RNF169: variants seen among roughly 807,000 people sequenced by gnomAD.
The protein encoded by RNF169 is E3 ubiquitin-protein ligase RNF169.
Under a neutral mutation model 53.9 loss-of-function variants are expected in RNF169, and 24 were observed. The ratio of observed to expected loss-of-function variants is 0.45; its 90% CI spans 0.32 to 0.63. The LOEUF is 0.63. Among genes scored for constraint, RNF169 ranks in the 20% least tolerant of loss-of-function variants. The pLI, the probability that RNF169 is intolerant of heterozygous loss-of-function variation, is 0.04. For synonymous variants in RNF169, 396 were observed against 363.5 expected, an observed-to-expected ratio of 1.09 and a Z score of -1.02; for missense variants, 883 against 906.2, an observed-to-expected ratio of 0.97 and a Z score of 0.33.
At position 74,835,853 on chromosome 11, in the gene RNF169, G is replaced by T; in HGVS notation, c.1250G>T (p.Ser417Ile). ...TCAACTCCACGCAACCTAAACAGAA[G>T]CCTGCAGAAGCAGACTTCTTATGAG... is the stretch of plus-strand genomic sequence containing the variant. ...IKSTPRNLNR[S>I]LQKQTSYEAS... Residue 417 changes from serine to isoleucine, a missense_variant, in exon 6 of 6, where the codon AGC becomes ATC. This residue lies in a region of RNF169 where 219 missense variants were observed against 289.1 expected (regional missense o/e 0.76). Transcript: ENST00000299563. 1.2e-6 allele frequency: 2 copies of T among 1,614,132 alleles called. No individual in the cohort carries two copies. Among genetic ancestry groups the T allele is most frequent in the African/African-American group, 2.7e-5 (2 of 75,014 alleles).
intron 4 of RNF169, among the ~76,000 whole-genome samples, chr11:74,829,877 A>G (rs2036153376): frequency 6.6e-6 from 1 of 152,144 alleles, no homozygotes; most frequent in South Asian, 2.1e-4. Flanking sequence ...GAGGAGGGAG[A>G]CCATCAGGAA....
chr11:74,753,010 C>T (rs1352035906), intron 1 of RNF169, among the ~76,000 whole-genome samples: 1 of 151,916 alleles, frequency 6.6e-6, no homozygotes, highest in East Asian at 1.9e-4. Context: ...GCTCTGTTGC[C>T]CAGGCTGGAG....
Position 74,821,518 on chromosome 11 carries a change from C to T in RNF169, c.842+3804C>T, listed in dbSNP as rs1043126155. Among the ~76,000 whole-genome samples the T allele has an allele frequency of 5.2e-5, 6 of 116,406 alleles. 2 individuals are homozygous for T. The highest frequency in any genetic ancestry group is 4.8e-4 in the Admixed American group (6 of 12,464). The allele number at this position is 116,406 out of a possible 152,430, so 76.4% of individuals were successfully genotyped here. A position where few individuals can be genotyped will look rare whatever the true frequency, so the allele number is the denominator to read the frequency against. On this transcript the variant is annotated intron_variant, in intron 4 of 5. Coordinates refer to ENST00000299563, the MANE Select transcript of RNF169 (RefSeq NM_001098638.2). ...CTAAAAATACAAAAAATTAGCCGGG[C>T]GTAGTGGCGGGCGCCTGTAGTCCCA... is the stretch of plus-strand genomic sequence containing the variant.
chr11:74,815,072 A>G (rs17133490), intron 3 of RNF169, among the ~76,000 whole-genome samples: 6,981 of 152,022 alleles, frequency 0.046, 537 homozygotes, highest in African/African-American at 0.16. Flanking sequence ...ATTGTTTTAG[A>G]TGTCACTGCA....
intron 1 of RNF169, among the ~76,000 whole-genome samples, chr11:74,780,271 T>C (rs189723939): frequency 6.6e-6 from 1 of 152,334 alleles, no homozygotes; most frequent in African/African-American, 2.4e-5. Context: ...AAGAATGCTC[T>C]CTACTTTTGT....
intron 1 of RNF169, among the ~76,000 whole-genome samples, chr11:74,754,949 C>G (rs1352588239): frequency 6.6e-6 from 1 of 152,192 alleles, no homozygotes; most frequent in East Asian, 1.9e-4. Context: ...AAAAATTTCC[C>G]CTTTCTGTGA....
chr11:74,834,828 C>G (rs918054359), intron 5 of RNF169, 53 bp downstream of exon 5: 24 of 1,188,186 alleles, frequency 2.0e-5, no homozygotes, highest in Non-Finnish European at 2.7e-5. Context: ...CCATCACCCC[C>G]TCTGCACATG....
At position 74,838,499 on chromosome 11, in the gene RNF169, A is replaced by C. The variant is rs574176597; in HGVS notation, c.*1769A>C. ...AGCTCATAGTTCCCAAACAGTTCCC[A>C]AACAGAAATTCCAGAGATGTCTTAA... On this transcript the variant is annotated 3_prime_UTR_variant, in exon 6 of 6. Transcript: ENST00000299563. 1 of 152,222 alleles carries C rather than the reference A, an allele frequency of 6.6e-6. No homozygotes were observed. Among genetic ancestry groups the C allele is most frequent in the Admixed American group, 6.5e-5 (1 of 15,288 alleles). 9.4% of individuals were successfully genotyped at this position (152,222 alleles called of 1,614,324 possible).
Position 74,837,594 on chromosome 11 carries a change from C to T in RNF169, c.*864C>T, listed in dbSNP as rs1378884293. On this transcript the variant is annotated 3_prime_UTR_variant, in exon 6 of 6. Coordinates refer to ENST00000299563, the MANE Select transcript of RNF169 (RefSeq NM_001098638.2). ...GATAAACATATATGTGCATTATCCC[C>T]ATCCCCCACAGTTTAGAGCCTTCTG... 6.6e-6 allele frequency: 1 copy of T among 152,254 alleles called. No individual in the cohort carries two copies. The highest frequency in any genetic ancestry group is 1.5e-5 in the Non-Finnish European group (1 of 68,044). 9.4% of individuals were successfully genotyped at this position (152,254 alleles called of 1,614,324 possible).
rs200044719 is a variant in RNF169 at position 74,834,760 on chromosome 11, A to G, written c.927A>G (p.Pro309=). The change falls in exon 5 of 6, where the codon CCA becomes CCG. Residue 309 remains proline, a synonymous_variant. Transcript: ENST00000299563. The stretch of plus-strand genomic sequence containing the variant: ...CGAAGAGCAGAGTCAGAGCAGTTCC[A>G]GGCAACAAAGCCAAGGTACACCTCA... The part of the protein sequence containing the change: ...ERAKSRVRAV[P]GNKAKVTTMT... 685 of 1,613,814 alleles carry G rather than the reference A, an allele frequency of 4.2e-4. No homozygotes were observed. Among genetic ancestry groups the G allele is most frequent in the South Asian group, 2.3e-3 (210 of 91,042 alleles).
rs564462465 is a variant in RNF169, at chr11:74,789,254, CTG to C, written c.503-369_503-368del. Among the ~76,000 whole-genome samples the C allele has an allele frequency of 1.3e-3, 191 of 152,160 alleles. 1 individual carries two copies. Among genetic ancestry groups the C allele is most frequent in the African/African-American group, 4.5e-3 (185 of 41,518 alleles). ...AGTCTTTCTAAAATAGTTGATTCCT[CTG>C]TGAGGGAAATGCAGGGAAAAAAATA... is the stretch of plus-strand genomic sequence containing the variant. On this transcript the variant is annotated intron_variant, in intron 1 of 5. Coordinates refer to ENST00000299563, the MANE Select transcript of RNF169 (RefSeq NM_001098638.2).
intron 3 of RNF169, among the ~76,000 whole-genome samples, chr11:74,811,085 G>A (rs1413861333): frequency 2.6e-5 from 4 of 151,770 alleles, no homozygotes; most frequent in East Asian, 3.8e-4. Flanking sequence ...AGCTGGAATC[G>A]ATAAAGCTTT....
chr11:74,753,331 G>A (rs1397675573), intron 1 of RNF169, among the ~76,000 whole-genome samples: 1 of 152,182 alleles, frequency 6.6e-6, no homozygotes, highest in Non-Finnish European at 1.5e-5. Context: ...GCCCAGAACA[G>A]ATAAGAGAGT....
rs1319028798 is a variant in RNF169, at chr11:74,758,570, C to T, written c.502+9188C>T. Among the ~76,000 whole-genome samples, 346 of 151,278 alleles carry T rather than the reference C, an allele frequency of 2.3e-3. 7 individuals are homozygous for T. Among genetic ancestry groups the T allele is most frequent in the Admixed American group, 0.021 (321 of 15,208 alleles). ...AGGCTGGAGTGCAGTGGCGGGATCT[C>T]GGCTCACTGCAAGCTCCGCCTCCCG... On this transcript the variant is annotated intron_variant, in intron 1 of 5. Coordinates refer to ENST00000299563, the MANE Select transcript of RNF169 (RefSeq NM_001098638.2).
In RNF169 at chr11:74,835,784, A is replaced by G. The variant is rs1481711456; in HGVS notation, c.1181A>G (p.Lys394Arg). ...GTCTGCTCACCATGTACTCCTCCCAAGAGACTCCCTGATGGCCGTGTGCTA... is the reference window on the plus strand; with the variant it reads ...GTCTGCTCACCATGTACTCCTCCCAGGAGACTCCCTGATGGCCGTGTGCTA... ...PIVCSPCTPPKRLPDGRVLSP... is the reference protein window; with the variant it reads ...PIVCSPCTPPRRLPDGRVLSP... Residue 394 changes from lysine to arginine, a missense_variant, in exon 6 of 6, where the codon AAG (lysine) becomes AGG (arginine). Lys to Arg is a conservative substitution (Grantham distance 26). Transcript: ENST00000299563. The G allele has an allele frequency of 1.9e-6, 3 of 1,614,168 alleles. No homozygotes were observed. Among genetic ancestry groups the G allele is most frequent in the Non-Finnish European group, 2.5e-6 (3 of 1,180,008 alleles).
In RNF169 at chr11:74,841,755, A is replaced by G. The variant is rs2036581877; in HGVS notation, c.*5025A>G. 1 of 152,188 alleles carries G rather than the reference A, an allele frequency of 6.6e-6. No homozygotes were observed. The highest frequency in any genetic ancestry group is 2.4e-5 in the African/African-American group (1 of 41,442). The allele number at this position is 152,188 out of a possible 1,614,324, so 9.4% of individuals were successfully genotyped here. On this transcript the variant is annotated 3_prime_UTR_variant, in exon 6 of 6. Transcript: ENST00000299563. ...CCTGTCATTTAAGGTAAAACAGGCA[A>G]TGAACTCGCTCTTCAAATACCATAG... is the stretch of plus-strand genomic sequence containing the variant.
intron 2 of RNF169, among the ~76,000 whole-genome samples, chr11:74,794,703 A>C (rs1277734081): frequency 1.3e-5 from 2 of 152,158 alleles, no homozygotes; most frequent in African/African-American, 4.8e-5. Flanking sequence ...GTTGGAGAGA[A>C]ATTAAAATTT....
At chr11:74,793,898 T>A (rs1052916650) in intron 2 of RNF169, among the ~76,000 whole-genome samples, 1 of 152,126 alleles carries the variant, frequency 6.6e-6, no homozygotes, top group Non-Finnish European at 1.5e-5. Flanking sequence ...GAATCAATAG[T>A]TTAGTGTTTA....
Position 74,835,644 on chromosome 11 carries a change from G to A in RNF169, c.1041G>A (p.Lys347=). 6.2e-7 allele frequency: 1 copy of A among 1,614,156 alleles called. No individual in the cohort carries two copies. Among genetic ancestry groups the A allele is most frequent in the Non-Finnish European group, 8.5e-7 (1 of 1,180,020 alleles). ...CGGCCCCTGACTTAACCATCGAAAAGCGTCTACCCTTCAGCTCCCTTTCAT... is the reference window on the plus strand; with the variant it reads ...CGGCCCCTGACTTAACCATCGAAAAACGTCTACCCTTCAGCTCCCTTTCAT... The part of the protein sequence containing the change: ...CVSAPDLTIE[K]RLPFSSLSSL... The change falls in exon 6 of 6, where the codon AAG becomes AAA. Residue 347 remains lysine (K), a synonymous_variant. Coordinates refer to ENST00000299563, the MANE Select transcript of RNF169 (RefSeq NM_001098638.2).
Sources: allele counts gnomAD v4.1 joint callset (sites outside exome capture counted in the v4.1 genomes callset), GRCh38; gene constraint gnomAD v4.1.1; regional missense constraint gnomAD v4.1.1; transcripts MANE v1.5; gene names NCBI Gene and HGNC (gene_info 2026-07-23, HGNC 2026-07-21).